The following CCDC146 variants were observed in gnomAD, a reference collection of about 807,000 sequenced individuals.
CCDC146 encodes coiled-coil domain-containing protein 146.
Under a neutral mutation model 119.3 loss-of-function variants are expected in CCDC146, and 92 were observed. The observed-to-expected ratio is 0.77, with a 90% CI of 0.65 to 0.92. CCDC146 has a LOEUF of 0.92. CCDC146 is among the 40% of genes least tolerant of loss of function. The pLI, the probability that CCDC146 is intolerant of heterozygous loss-of-function variation, is 0.00. For synonymous variants in CCDC146, 372 were observed against 371.8 expected (o/e 1.00, Z -0.01); for missense variants, 1,000 against 1,103.0 (o/e 0.91, Z 1.32).
At chr7:77,241,927 C>T (rs762651749) in intron 4 of CCDC146, 27 bp downstream of exon 4, 1 of 1,543,550 alleles carries the variant, frequency 6.5e-7, no homozygotes, top group East Asian at 2.3e-5. Flanking sequence ...CTCCGGCACA[C>T]TGAAAAGTCT....
intron 17 of CCDC146, among the ~76,000 whole-genome samples, chr7:77,288,285 C>T (rs1370982924): frequency 1.3e-5 from 2 of 152,178 alleles, no homozygotes; most frequent in Non-Finnish European, 2.9e-5. Context: ...AGTTCGTTTG[C>T]ATTGCTGTAA....
chr7:77,249,839 A>G (rs1793025742), intron 4 of CCDC146, among the ~76,000 whole-genome samples: 1 of 152,174 alleles, frequency 6.6e-6, no homozygotes, highest in South Asian at 2.1e-4. Context: ...ATCTTCTGCC[A>G]TATTTTCACT....
At position 77,292,994 on chromosome 7, in the gene CCDC146, A is replaced by G. The variant is rs1203944582; in HGVS notation, c.2458A>G (p.Met820Val). 4 of 1,614,108 alleles carry G rather than the reference A, an allele frequency of 2.5e-6. No individual in the cohort carries two copies. Among genetic ancestry groups the G allele is most frequent in the Non-Finnish European group, 3.4e-6 (4 of 1,180,028 alleles). ...QRRIKNATEK[M>V]MALVAELSMK... ...AAGGATCAAAAATGCAACTGAGAAA[A>G]TGATGGCTCTTGTTGCTGAGCTGTC... Residue 820 changes from methionine (M) to valine (V), a missense_variant, in exon 18 of 19, where the codon ATG becomes GTG. Physicochemically the swap from Met to Val is conservative, Grantham distance 21 (BLOSUM62 1). Around this residue, in one of 2 missense-constraint regions of CCDC146, gnomAD observed 985 missense variants for 1,045.3 expected, o/e 0.94. Coordinates refer to ENST00000285871, the MANE Select transcript of CCDC146 (RefSeq NM_020879.3).
Position 77,158,339 on chromosome 7 carries a change from C to T in CCDC146, c.-11-9319C>T, listed in dbSNP as rs187821319. On this transcript the variant is annotated intron_variant, in intron 1 of 18. Coordinates refer to ENST00000285871, the MANE Select transcript of CCDC146 (RefSeq NM_020879.3). ...ATACCTGATGGCTATGTAGTTCTTC[C>T]TATGCCAGGAATTTAAGGTGTTATA... Among the ~76,000 whole-genome samples, 747 of 152,076 alleles carry T rather than the reference C, an allele frequency of 4.9e-3. 9 individuals are homozygous for T. Among genetic ancestry groups the T allele is most frequent in the African/African-American group, 0.017 (723 of 41,464 alleles).
rs1584143710 is a variant in CCDC146, at chr7:77,280,740, G to T, written c.1919+87G>T. 6.8e-6 allele frequency: 6 copies of T among 884,356 alleles called. No homozygotes were observed. The East Asian group carries it at 1.6e-4, about 23-fold the overall frequency. The allele number at this position is 884,356 out of a possible 1,614,324, so 54.8% of individuals were successfully genotyped here. The stretch of plus-strand genomic sequence containing the variant: ...CTATCTAGACTTGACAGTGAATAGT[G>T]AGGGAAATGTGATATTCAGGTTGCA... On this transcript the variant is annotated intron_variant, in intron 14 of 18. Transcript: ENST00000285871.
intron 16 of CCDC146, 149 bp from the exon 17 acceptor site, chr7:77,287,291 G>A (rs538460893): frequency 1.3e-6 from 1 of 746,460 alleles, no homozygotes; most frequent in African/African-American, 1.8e-5. Flanking sequence ...ATCTGCAGGG[G>A]CTGGGGCAGG....
At chr7:77,215,042 T>C (rs1792270257) in intron 2 of CCDC146, among the ~76,000 whole-genome samples, 1 of 152,124 alleles carries the variant, frequency 6.6e-6, no homozygotes, top group Admixed American at 6.5e-5. Flanking sequence ...AGAATCCTTC[T>C]AAAAAGAGAA....
At chr7:77,133,555 T>C (rs1790816742) in intron 1 of CCDC146, among the ~76,000 whole-genome samples, 1 of 152,022 alleles carries the variant, frequency 6.6e-6, no homozygotes, top group African/African-American at 2.4e-5. Context: ...TTTCACCATG[T>C]TGGCCAGGCT....
At chr7:77,230,228 A>G (rs1288046982) in intron 2 of CCDC146, among the ~76,000 whole-genome samples, 6 of 151,332 alleles carry the variant, frequency 4.0e-5, no homozygotes, top group Non-Finnish European at 8.8e-5. Context: ...CTTTTTTTTT[A>G]CTATTATGAA....
At chr7:77,193,934 C>A (rs1476119238) in intron 2 of CCDC146, 2 of 152,396 alleles carry the variant, frequency 1.3e-5, no homozygotes, top group Non-Finnish European at 2.9e-5. Context: ...TAATCTATTT[C>A]CATCAACATG....
chr7:77,124,500 A>C (rs1163689545), intron 1 of CCDC146, among the ~76,000 whole-genome samples: 3 of 152,206 alleles, frequency 2.0e-5, no homozygotes. Context: ...ATAGATGGGG[A>C]AACAGATTCA....
chr7:77,130,906 T>G (rs1309144941), intron 1 of CCDC146, among the ~76,000 whole-genome samples: 1 of 150,306 alleles, frequency 6.7e-6, no homozygotes, highest in African/African-American at 2.5e-5. Flanking sequence ...CCTTTTTTTT[T>G]TTTTAAACGG....
At chr7:77,230,075 C>T (rs1792594571) in intron 2 of CCDC146, among the ~76,000 whole-genome samples, 1 of 152,180 alleles carries the variant, frequency 6.6e-6, no homozygotes. Flanking sequence ...TTGCCTCTTT[C>T]ACTTAGTGTA....
chr7:77,228,070 C>T (rs904421114), intron 2 of CCDC146, among the ~76,000 whole-genome samples: 1 of 152,214 alleles, frequency 6.6e-6, no homozygotes, highest in Non-Finnish European at 1.5e-5. Context: ...ACACTTGCTG[C>T]TTCCTTTTAG....
At chr7:77,149,542 G>C (rs894211002) in intron 1 of CCDC146, among the ~76,000 whole-genome samples, 2 of 152,034 alleles carry the variant, frequency 1.3e-5, no homozygotes, top group Admixed American at 1.3e-4. Context: ...GAGGTGGGTG[G>C]ATAACTTGAG....
chr7:77,246,625 G>C (rs546581092), intron 4 of CCDC146: 1 of 152,240 alleles, frequency 6.6e-6, no homozygotes, highest in East Asian at 1.9e-4. Flanking sequence ...GAGAGAAAAA[G>C]ATATAATGCA....
intron 2 of CCDC146, among the ~76,000 whole-genome samples, chr7:77,211,942 A>G (rs10488500): frequency 0.065 from 9,883 of 152,198 alleles, 499 homozygotes; most frequent in Non-Finnish European, 0.091. Flanking sequence ...CACTAACTTC[A>G]AACAAATAGC....
chr7:77,292,398 G>A (rs1352472568), intron 17 of CCDC146, among the ~76,000 whole-genome samples: 6 of 150,070 alleles, frequency 4.0e-5, no homozygotes, highest in African/African-American at 1.5e-4. Flanking sequence ...GGCGGATCAC[G>A]AGGTCAGGAG....
intron 5 of CCDC146, 146 bp from the exon 6 acceptor site, chr7:77,256,187 A>T: frequency 1.7e-6 from 1 of 576,226 alleles, no homozygotes; most frequent in Non-Finnish European, 2.9e-6. Flanking sequence ...GCTTTATGAG[A>T]AATCATTTAA....
Sources: allele counts gnomAD v4.1 joint callset (sites outside exome capture counted in the v4.1 genomes callset), GRCh38; gene constraint gnomAD v4.1.1; regional missense constraint gnomAD v4.1.1; transcripts MANE v1.5; gene names NCBI Gene and HGNC (gene_info 2026-07-23, HGNC 2026-07-21).